The following AP3D1 variants were observed in gnomAD, a reference collection of about 807,000 sequenced individuals.
AP3D1 encodes adaptor related protein complex 3 subunit delta 1.
In AP3D1, 51 loss-of-function variants were observed where a neutral mutation model predicts 147.6. The observed-to-expected ratio is 0.35, with a 90% CI of 0.28 to 0.44. The LOEUF is 0.44. Among genes scored for constraint, AP3D1 ranks in the 20% least tolerant of loss-of-function variants. AP3D1 has a pLI of 1.00. For synonymous variants in AP3D1, 760 were observed against 663.0 expected, an observed-to-expected ratio of 1.15 and a Z score of -2.25; for missense variants, 1,421 against 1,624.2, an observed-to-expected ratio of 0.87 and a Z score of 2.15.
At position 2,117,233 on chromosome 19, in the gene AP3D1, T is replaced by C. The variant is rs2018481904; in HGVS notation, c.1848A>G (p.Pro616=). The change falls in exon 16 of 32, where the codon CCA becomes CCG. Residue 616 remains proline (P), a synonymous_variant. Coordinates refer to ENST00000643116, the MANE Select transcript of AP3D1 (RefSeq NM_001261826.3). The part of the protein sequence containing the change: ...PVAPKAQKKV[P]VPEGLDLDAW... ...CCCCGTATCCTTACCCTTCGGGGAC[T>C]GGAACCTTCTTCTGGGCCTTGGGGG... The C allele has an allele frequency of 1.2e-6, 2 of 1,609,570 alleles. No individual in the cohort carries two copies. The highest frequency in any genetic ancestry group is 2.2e-5 in the South Asian group (2 of 90,642).
rs768580647 is a variant in AP3D1, at chr19:2,132,582, G to T, written c.355-4C>A. 3.8e-6 allele frequency: 6 copies of T among 1,595,884 alleles called. No homozygotes were observed. In the East Asian group the frequency reaches 9.0e-5, roughly 24 times the overall value. On this transcript the variant is annotated splice_polypyrimidine_tract_variant and splice_region_variant and intron_variant, in intron 4 of 31. Coordinates refer to ENST00000643116, the MANE Select transcript of AP3D1 (RefSeq NM_001261826.3). ...ACTGGCTGGGGCTGCTCAAGTCCTG[G>T]AAAGTGAGAGAAAGGGGCCGTGGCC... is the stretch of plus-strand genomic sequence containing the variant.
intron 9 of AP3D1, among the ~76,000 whole-genome samples, chr19:2,125,729 G>A (rs567853872): frequency 2.6e-5 from 4 of 152,194 alleles, no homozygotes; most frequent in Admixed American, 6.5e-5. Flanking sequence ...TAGGCCGGGC[G>A]CGGTGTGTAG....
At chr19:2,163,826 G>A (rs1299832827) in intron 1 of AP3D1, among the ~76,000 whole-genome samples, 1 of 150,712 alleles carries the variant, frequency 6.6e-6, no homozygotes, top group African/African-American at 2.4e-5. Flanking sequence ...GGGCGCCGAG[G>A]GGGTGGCGCG....
chr19:2,104,677 T>G (rs1054953806), intron 31 of AP3D1, among the ~76,000 whole-genome samples: 5 of 149,768 alleles, frequency 3.3e-5, no homozygotes, highest in Admixed American at 2.7e-4. Flanking sequence ...TTTTTTTTTT[T>G]TTTTTTTTTT....
intron 4 of AP3D1, among the ~76,000 whole-genome samples, chr19:2,132,853 C>A (rs2018986338): frequency 6.6e-6 from 1 of 152,156 alleles, no homozygotes; most frequent in African/African-American, 2.4e-5. Flanking sequence ...GAGGCACAGG[C>A]TGAAACGCTC....
intron 31 of AP3D1, among the ~76,000 whole-genome samples, chr19:2,104,204 A>C (rs1408407507): frequency 6.8e-6 from 1 of 146,576 alleles, no homozygotes. Flanking sequence ...ACACCGAGAC[A>C]CCAACACTGA....
In AP3D1 at chr19:2,111,799, G is replaced by C. The variant is rs199976556; in HGVS notation, c.2817C>G (p.His939Gln). The C allele has an allele frequency of 1.9e-6, 3 of 1,613,960 alleles. No individual in the cohort carries two copies. The highest frequency in any genetic ancestry group is 1.7e-6 in the Non-Finnish European group (2 of 1,179,968). Residue 939 changes from histidine to glutamine, a missense_variant, in exon 25 of 32, where the codon CAC (histidine) becomes CAG (glutamine). Transcript: ENST00000643116. Reference sequence around the variant, plus strand: ...TGGTCCGCTCCTCCTTCTCCTTCCTGTGCTTCTTCTTCTTAGGCTTGGGAG... The same window carrying C: ...TGGTCCGCTCCTCCTTCTCCTTCCTCTGCTTCTTCTTCTTAGGCTTGGGAG... ...KKSPKPKKKK[H>Q]RKEKEERTKG...
chr19:2,139,572 C>T (rs564357873), intron 1 of AP3D1, among the ~76,000 whole-genome samples: 2 of 152,302 alleles, frequency 1.3e-5, no homozygotes, highest in South Asian at 4.1e-4. Flanking sequence ...CAAGCCGAGT[C>T]GATGCCATGC....
intron 31 of AP3D1, among the ~76,000 whole-genome samples, chr19:2,103,897 G>A (rs1222567007): frequency 6.6e-6 from 1 of 151,712 alleles, no homozygotes. Context: ...AAGGCCGTCG[G>A]TAGACCCCAA....
At chr19:2,144,232 C>A (rs1414323496) in intron 1 of AP3D1, among the ~76,000 whole-genome samples, 1 of 152,228 alleles carries the variant, frequency 6.6e-6, no homozygotes, top group Admixed American at 6.5e-5. Context: ...CACCAAACCC[C>A]AGAACCCCAG....
intron 31 of AP3D1, among the ~76,000 whole-genome samples, chr19:2,106,291 G>T (rs1261565498): frequency 6.6e-6 from 1 of 151,940 alleles, no homozygotes; most frequent in Non-Finnish European, 1.5e-5. Flanking sequence ...GCTCACTCCT[G>T]CAATCCCAGC....
At chr19:2,142,683 G>C (rs1371619726) in intron 1 of AP3D1, among the ~76,000 whole-genome samples, 1 of 152,198 alleles carries the variant, frequency 6.6e-6, no homozygotes, top group Admixed American at 6.5e-5. Context: ...TGAGGGCCTG[G>C]GAGCTCACCC....
At chr19:2,138,384 G>T (rs2019131959) in intron 2 of AP3D1, among the ~76,000 whole-genome samples, 1 of 152,176 alleles carries the variant, frequency 6.6e-6, no homozygotes, top group Non-Finnish European at 1.5e-5. Context: ...GACCCCATGG[G>T]GCTCCCTCAG....
In AP3D1 at chr19:2,123,380, C is replaced by T. The variant is rs941812104; in HGVS notation, c.933G>A (p.Leu311=). The T allele has an allele frequency of 5.6e-6, 9 of 1,613,686 alleles. No individual in the cohort carries two copies. The Admixed American group carries it at 6.7e-5, about 12-fold the overall frequency. Residue 311 remains leucine, a synonymous_variant, in exon 11 of 32, where the codon TTG becomes TTA. Transcript: ENST00000643116. ...CACAGTTCTGATCGGAGTCCTCGAT[C>T]AATATCCTTAATTTCTGAACACAAA... ...IQLCVQKLRI[L]IEDSDQNLKY... is the part of the protein sequence containing the mutation.
upstream of AP3D1, among the ~76,000 whole-genome samples, chr19:2,154,972 G>C (rs562954362): frequency 3.9e-5 from 6 of 152,282 alleles, no homozygotes; most frequent in East Asian, 1.2e-3. Context: ...CTGAGGTCAG[G>C]AGTTGGAGAC....
rs1191551718 is a variant in AP3D1, at chr19:2,131,735, C to T, written c.462+736G>A. Among the ~76,000 whole-genome samples, 13 of 118,006 alleles carry T rather than the reference C, an allele frequency of 1.1e-4. 1 individual carries two copies. The highest frequency in any genetic ancestry group is 2.8e-4 in the South Asian group (1 of 3,546). The allele number at this position is 118,006 out of a possible 152,430, so 77.4% of individuals were successfully genotyped here. ...CGGACAGGCAGCCACGCGGGGACCG[C>T]GCCCATCGGCCACGATCTAGACACC... is the stretch of plus-strand genomic sequence containing the variant. On this transcript the variant is annotated intron_variant, in intron 5 of 31. Coordinates refer to ENST00000643116, the MANE Select transcript of AP3D1 (RefSeq NM_001261826.3).
intron 1 of AP3D1, among the ~76,000 whole-genome samples, chr19:2,158,118 C>T (rs530716584): frequency 3.3e-5 from 5 of 152,162 alleles, no homozygotes; most frequent in South Asian, 2.1e-4. Flanking sequence ...TGCAGTGGTG[C>T]GATCTCGGCT....
rs2145045003 is a variant in AP3D1, at chr19:2,116,190, C to T, written c.2073+17G>A. The T allele has an allele frequency of 6.2e-7, 1 of 1,613,852 alleles. No homozygotes were observed. The highest frequency in any genetic ancestry group is 8.5e-7 in the Non-Finnish European group (1 of 1,179,872). The stretch of plus-strand genomic sequence containing the variant: ...GTAGAGGGTGCTGAGGGACAGGCAC[C>T]CGGGGACGGGCCTCACCTTCTGTGG... On this transcript the variant is annotated intron_variant, in intron 18 of 31. Transcript: ENST00000643116.
intron 4 of AP3D1, among the ~76,000 whole-genome samples, chr19:2,136,057 A>G (rs1396166412): frequency 6.7e-6 from 1 of 149,580 alleles, no homozygotes; most frequent in East Asian, 1.9e-4. Context: ...CTCCCGCTAC[A>G]CGGCCACGAC....
Sources: gnomAD v4.1 joint callset for allele counts (sites outside exome capture counted in the v4.1 genomes callset) on GRCh38, gnomAD v4.1.1 for gene constraint, MANE v1.5 for transcripts, NCBI Gene and HGNC (gene_info 2026-07-23, HGNC 2026-07-21) for gene names.